Variants in AKT3 observed in about 807,000 individuals in gnomAD.
AKT3 encodes the protein RAC-gamma serine/threonine-protein kinase.
AKT3 carries 15 observed loss-of-function variants against 65.3 expected under a neutral mutation model. The observed-to-expected ratio is 0.23, with a 90% CI of 0.15 to 0.35. The LOEUF is 0.35. AKT3 is among the 10% of genes least tolerant of loss of function. AKT3 has a pLI of 1.00. For missense variants in AKT3, 243 were observed against 576.5 expected (o/e 0.42, Z 5.92); for synonymous variants, 206 against 183.8 (o/e 1.12, Z -0.98).
chr1:243,821,169 C>G (rs1325146108), intron 2 of AKT3, among the ~76,000 whole-genome samples: 1 of 152,136 alleles, frequency 6.6e-6, no homozygotes, highest in Admixed American at 6.6e-5. Flanking sequence ...AATTTCATGT[C>G]CAGCCAAACT....
chr1:243,557,308 G>A (rs1673477011), intron 10 of AKT3, among the ~76,000 whole-genome samples: 1 of 152,002 alleles, frequency 6.6e-6, no homozygotes, highest in Admixed American at 6.6e-5. Context: ...TTTCCAGTTA[G>A]GGTTAGTTTT....
At chr1:243,757,644 G>A (rs1689221064) in intron 2 of AKT3, among the ~76,000 whole-genome samples, 1 of 151,890 alleles carries the variant, frequency 6.6e-6, no homozygotes, top group Non-Finnish European at 1.5e-5. Flanking sequence ...AGAAGAAAAA[G>A]CATTATTCTT....
At chr1:243,758,582 A>G (rs908023810) in intron 2 of AKT3, among the ~76,000 whole-genome samples, 1 of 152,136 alleles carries the variant, frequency 6.6e-6, no homozygotes, top group Non-Finnish European at 1.5e-5. Context: ...AGTTTCATGG[A>G]AGACAATTTT....
intron 6 of AKT3, among the ~76,000 whole-genome samples, chr1:243,626,052 T>C (rs948865413): frequency 1.3e-5 from 2 of 152,212 alleles, no homozygotes; most frequent in Admixed American, 6.5e-5. Flanking sequence ...TTCATGGTCA[T>C]CAGGATGTTT....
At chr1:243,621,449 C>G (rs770437057) in intron 6 of AKT3, among the ~76,000 whole-genome samples, 1 of 152,104 alleles carries the variant, frequency 6.6e-6, no homozygotes, top group Non-Finnish European at 1.5e-5. Flanking sequence ...GCTCTGAAAC[C>G]CTTATTCTGT....
At chr1:243,663,113 A>T (rs1157371769) in intron 4 of AKT3, among the ~76,000 whole-genome samples, 1 of 152,216 alleles carries the variant, frequency 6.6e-6, no homozygotes, top group African/African-American at 2.4e-5. Context: ...CTATGTGCAA[A>T]AGATGTTTTA....
At chr1:243,726,002 A>T (rs143608491) in intron 2 of AKT3, among the ~76,000 whole-genome samples, 1 of 152,192 alleles carries the variant, frequency 6.6e-6, no homozygotes, top group Non-Finnish European at 1.5e-5. Context: ...GTTCTCATAA[A>T]GGCCTAGTGC....
intron 10 of AKT3, among the ~76,000 whole-genome samples, chr1:243,559,116 A>C (rs1315848089): frequency 1.3e-5 from 2 of 152,148 alleles, no homozygotes; most frequent in Non-Finnish European, 2.9e-5. Flanking sequence ...AGGTGTGAAA[A>C]TACAGCACAG....
intron 5 of AKT3, 124 bp downstream of exon 5, chr1:243,645,769 A>G (rs1680762945): frequency 2.1e-6 from 2 of 957,660 alleles, no homozygotes; most frequent in Non-Finnish European, 3.0e-6. Context: ...CATGTGAATA[A>G]GACCCACCAA....
chr1:243,814,295 G>T (rs1327578491), intron 2 of AKT3, among the ~76,000 whole-genome samples: 1 of 152,050 alleles, frequency 6.6e-6, no homozygotes, highest in Non-Finnish European at 1.5e-5. Flanking sequence ...AAGAGATTTA[G>T]TTTAGATTAA....
intron 2 of AKT3, among the ~76,000 whole-genome samples, chr1:243,797,677 T>C (rs1252089997): frequency 6.6e-6 from 1 of 152,050 alleles, no homozygotes; most frequent in Non-Finnish European, 1.5e-5. Context: ...GGTTAAACAG[T>C]GGGGAAGGTA....
chr1:243,614,505 GAC>G (rs1678145601), intron 7 of AKT3, among the ~76,000 whole-genome samples: 2 of 151,968 alleles, frequency 1.3e-5, no homozygotes, highest in South Asian at 4.2e-4. Flanking sequence ...TTTCTTTCAA[GAC>G]AACTAAGTTG....
At chr1:243,760,158 C>T (rs902944055) in intron 2 of AKT3, among the ~76,000 whole-genome samples, 1 of 152,088 alleles carries the variant, frequency 6.6e-6, no homozygotes, top group African/African-American at 2.4e-5. Context: ...CTCACTCTGT[C>T]GCCCAGACAG....
chr1:243,495,127 C>T (rs1341374471), downstream of AKT3, among the ~76,000 whole-genome samples: 1 of 152,188 alleles, frequency 6.6e-6, no homozygotes. Flanking sequence ...AAACTCAGAC[C>T]CCACGGTTGG....
chr1:243,788,669 T>C (rs1691426832), intron 2 of AKT3: 1 of 152,276 alleles, frequency 6.6e-6, no homozygotes, highest in South Asian at 2.1e-4. Flanking sequence ...TAGTCTTCTG[T>C]GTAACAGCAT....
At chr1:243,735,456 A>C (rs1464771459) in intron 2 of AKT3, among the ~76,000 whole-genome samples, 1 of 152,222 alleles carries the variant, frequency 6.6e-6, no homozygotes, top group Non-Finnish European at 1.5e-5. Flanking sequence ...CATGTTTCTA[A>C]AAATATCATC....
chr1:243,508,269 G>A (rs531864701), intron 13 of AKT3, among the ~76,000 whole-genome samples: 2 of 152,322 alleles, frequency 1.3e-5, no homozygotes, highest in African/African-American at 4.8e-5. Flanking sequence ...CGTTGCCCTA[G>A]AAGAACCCAG....
At chr1:243,510,452 AAG>A (rs910905745) in intron 13 of AKT3, among the ~76,000 whole-genome samples, 1 of 152,214 alleles carries the variant, frequency 6.6e-6, no homozygotes, top group African/African-American at 2.4e-5. Context: ...GCAGAGAATG[AAG>A]AGAGAGAGGG....
At chr1:243,577,384 T>G (rs1209059879) in intron 8 of AKT3, among the ~76,000 whole-genome samples, 1 of 152,142 alleles carries the variant, frequency 6.6e-6, no homozygotes, top group Non-Finnish European at 1.5e-5. Context: ...TGACCTCAAG[T>G]GATCTGCCCA....
Sources: allele counts gnomAD v4.1 joint callset (sites outside exome capture counted in the v4.1 genomes callset), GRCh38; gene constraint gnomAD v4.1.1; transcripts MANE v1.5; gene names NCBI Gene and HGNC (gene_info 2026-07-23, HGNC 2026-07-21).